Variants in AGXT observed in about 807,000 individuals in gnomAD.
The protein encoded by AGXT is alanine--glyoxylate aminotransferase.
Under a neutral mutation model 46.9 loss-of-function variants are expected in AGXT, and 41 were observed. The ratio of observed to expected loss-of-function variants is 0.88; its 90% CI spans 0.68 to 1.14. The LOEUF (loss-of-function observed/expected upper bound fraction) is 1.14. Among genes scored for constraint, AGXT ranks in the 50% most tolerant of loss-of-function variants. AGXT has a pLI of 0.00. For synonymous variants in AGXT, 244 were observed against 227.9 expected (o/e 1.07, Z -0.64); for missense variants, 525 against 522.7 (o/e 1.00, Z -0.04).
intron 8 of AGXT, chr2:240,877,163 G>T (rs1208596580): frequency 4.6e-6 from 2 of 438,198 alleles, no homozygotes; most frequent in Non-Finnish European, 9.0e-6. Context: ...GGCCCTGAGA[G>T]GAGAGGGGGC....
chr2:240,870,517 C>T, intron 2 of AGXT, 127 bp from the exon 3 acceptor site: 2 of 1,113,922 alleles, frequency 1.8e-6, no homozygotes, highest in Non-Finnish European at 2.6e-6. Flanking sequence ...TTCAGGCAGG[C>T]AGCCAGGGTG....
chr2:240,871,512 G>A lies in AGXT; in HGVS notation c.524+63G>A, dbSNP rs2058990580. On this transcript the variant is annotated intron_variant, in intron 4 of 10. Transcript: ENST00000307503. Reference sequence around the variant, plus strand: ...TCAGAGCCAGGCTATGGGGAGGGGTGGGCACTGGTCCCTCTGGTCCTTCTG... The same window carrying A: ...TCAGAGCCAGGCTATGGGGAGGGGTAGGCACTGGTCCCTCTGGTCCTTCTG... 4.8e-6 allele frequency: 7 copies of A among 1,449,912 alleles called. No homozygotes were observed. The East Asian group carries it at 1.5e-4, about 31-fold the overall frequency. The allele number at this position is 1,449,912 out of a possible 1,614,324, so 89.8% of individuals were successfully genotyped here.
rs758388293 is a variant in AGXT, at chr2:240,868,965, C to T, written c.100C>T (p.Pro34Ser). 2 of 1,596,734 alleles carry T rather than the reference C, an allele frequency of 1.3e-6. No homozygotes were observed. The highest frequency in any genetic ancestry group is 2.8e-5 in the African/African-American group (2 of 72,544). Residue 34 changes from proline to serine, a missense_variant, in exon 1 of 11, where the codon CCT (proline) becomes TCT (serine). Physicochemically the swap from Pro to Ser is moderately conservative, Grantham distance 74. Coordinates refer to ENST00000307503, the MANE Select transcript of AGXT (RefSeq NM_000030.3). ...GCTGGGGCCTGGTCCTTCCAACCTG[C>T]CTCCTCGCATCATGGCAGCCGGGGG... is the stretch of plus-strand genomic sequence containing the variant. ...LLLGPGPSNL[P>S]PRIMAAGGLQ...
chr2:240,879,261 C>A lies in AGXT; in HGVS notation c.*440C>A, dbSNP rs569235099. The stretch of plus-strand genomic sequence containing the variant: ...CTGGAGGAGGTGCTGTCACCACACT[C>A]TAGCCCCAGATGTCACACCCCCAAA... On this transcript the variant is annotated 3_prime_UTR_variant, in exon 11 of 11. Transcript: ENST00000307503. The A allele has an allele frequency of 3.9e-6, 1 of 255,354 alleles. No homozygotes were observed. The highest frequency in any genetic ancestry group is 7.7e-6 in the Non-Finnish European group (1 of 130,304). 15.8% of individuals were successfully genotyped at this position (255,354 alleles called of 1,614,324 possible).
chr2:240,876,243 C>A (rs555061491), intron 8 of AGXT, among the ~76,000 whole-genome samples: 1 of 152,046 alleles, frequency 6.6e-6, no homozygotes, highest in Non-Finnish European at 1.5e-5. Context: ...TGCTCCCAAC[C>A]CTTCCATTGC....
At position 240,870,709 on chromosome 2, in the gene AGXT, G is replaced by A. The variant is rs1553648493; in HGVS notation, c.423+1G>A. 1 of 1,554,978 alleles carries A rather than the reference G, an allele frequency of 6.4e-7. No individual in the cohort carries two copies. On this transcript the variant is annotated splice_donor_variant, in intron 3 of 10. Transcript: ENST00000307503. LOFTEE classifies it high-confidence loss of function. Reference sequence around the variant, plus strand: ...CTACACACTGCAGGAGGTGGAGGAGGTAGGGGACCCGGGGTGGGGGTCAGG... The same window carrying A: ...CTACACACTGCAGGAGGTGGAGGAGATAGGGGACCCGGGGTGGGGGTCAGG...
At chr2:240,871,076 TG>T in intron 3 of AGXT, 1 of 587,910 alleles carries the variant, frequency 1.7e-6, no homozygotes, top group Non-Finnish European at 3.0e-6. Context: ...ACCCGGAGTG[TG>T]GGGACTCAGT....
At chr2:240,870,537 G>C in intron 2 of AGXT, 107 bp from the exon 3 acceptor site, 1 of 1,343,412 alleles carries the variant, frequency 7.4e-7, no homozygotes, top group Non-Finnish European at 1.0e-6. Flanking sequence ...GCCACGGTGG[G>C]TGGGGTCCAG....
intron 4 of AGXT, among the ~76,000 whole-genome samples, chr2:240,872,329 G>A (rs1374335492): frequency 7.0e-6 from 1 of 142,266 alleles, no homozygotes; most frequent in East Asian, 2.0e-4. Flanking sequence ...ACATGGAGGA[G>A]GAGGAGGGTG....
In AGXT at chr2:240,871,125, TG is replaced by T. The variant is rs1425123186; in HGVS notation, c.424-219del. 4.9e-6 allele frequency: 3 copies of T among 611,864 alleles called. No homozygotes were observed. In the South Asian group the frequency reaches 5.7e-5, roughly 12 times the overall value. The allele number at this position is 611,864 out of a possible 1,614,324, so 37.9% of individuals were successfully genotyped here. On this transcript the variant is annotated intron_variant, in intron 3 of 10. Coordinates refer to ENST00000307503, the MANE Select transcript of AGXT (RefSeq NM_000030.3). ...AGCCCTCACAGGCCAGGCAACAGGC[TG>T]GGGGCACCCTCCTCCATCTCTGCAC...
chr2:240,870,601 A>G (rs2106428236), intron 2 of AGXT, 43 bp from the exon 3 acceptor site: 1 of 1,548,026 alleles, frequency 6.5e-7, no homozygotes, highest in Admixed American at 2.0e-5. Flanking sequence ...TGGCTTCTAC[A>G]GTGTGTGCGG....
rs917296853 is a variant in AGXT, at chr2:240,869,277, C to T, written c.273C>T (p.Val91=). 11 of 1,613,664 alleles carry T rather than the reference C, an allele frequency of 6.8e-6. No homozygotes were observed. The highest frequency in any genetic ancestry group is 9.3e-6 in the Non-Finnish European group (11 of 1,179,956). The change falls in exon 2 of 11, where the codon GTC becomes GTT. Residue 91 remains valine, a synonymous_variant. Transcript: ENST00000307503. The stretch of plus-strand genomic sequence containing the variant: ...ACTGTGCCCTGGAGGCCGCCCTGGT[C>T]AATGTGCTGGAGCCTGGGGACTCCT... The part of the protein sequence containing the change: ...SGHCALEAAL[V]NVLEPGDSFL...
chr2:240,871,278 TG>T, intron 3 of AGXT, 70 bp from the exon 4 acceptor site: 15 of 1,334,530 alleles, frequency 1.1e-5, no homozygotes, highest in East Asian at 2.5e-5. Context: ...GTGCCACCCA[TG>T]GGGGGTTTGT....
chr2:240,869,312 G>C lies in AGXT; in HGVS notation c.308G>C (p.Gly103Ala). 1 of 1,611,696 alleles carries C rather than the reference G, an allele frequency of 6.2e-7. No homozygotes were observed. Among genetic ancestry groups the C allele is most frequent in the Non-Finnish European group, 8.5e-7 (1 of 1,178,538 alleles). The change falls in exon 2 of 11, where the codon GGG becomes GCG. Residue 103 changes from glycine (G) to alanine (A), a missense_variant. Coordinates refer to ENST00000307503, the MANE Select transcript of AGXT (RefSeq NM_000030.3). ...GAGCCTGGGGACTCCTTCCTGGTTG[G>C]GGCCAATGGCATTTGGGGGCAGCGA... ...VLEPGDSFLV[G>A]ANGIWGQRAV...
intron 10 of AGXT, among the ~76,000 whole-genome samples, chr2:240,878,467 G>C (rs980893533): frequency 2.0e-5 from 3 of 152,216 alleles, no homozygotes; most frequent in Non-Finnish European, 4.4e-5. Context: ...AGTGGCAGTG[G>C]GGAGGGACCT....
At chr2:240,871,568 T>A (rs1422902915) in intron 4 of AGXT, 119 bp downstream of exon 4, 4 of 935,968 alleles carry the variant, frequency 4.3e-6, no homozygotes, top group Admixed American at 2.0e-5. Context: ...CTCTGTCACA[T>A]GGTATGGGGT....
chr2:240,873,674 A>G (rs1047207736), intron 5 of AGXT, among the ~76,000 whole-genome samples: 1 of 151,892 alleles, frequency 6.6e-6, no homozygotes. Flanking sequence ...TCCTCAAACT[A>G]CTACTGAAAG....
intron 10 of AGXT, among the ~76,000 whole-genome samples, 182 bp from the exon 11 acceptor site, chr2:240,878,532 T>C (rs1312246225): frequency 6.6e-6 from 1 of 152,170 alleles, no homozygotes; most frequent in Non-Finnish European, 1.5e-5. Context: ...GAGGAGAGCC[T>C]GCCCTGGCCT....
intron 7 of AGXT, 137 bp from the exon 8 acceptor site, chr2:240,875,798 G>T (rs1183145681): frequency 3.1e-6 from 3 of 967,538 alleles, no homozygotes; most frequent in African/African-American, 1.6e-5. Context: ...TCTGAACCCG[G>T]ACAGGACTCC....
Sources: allele counts gnomAD v4.1 joint callset (sites outside exome capture counted in the v4.1 genomes callset), GRCh38; gene constraint gnomAD v4.1.1; transcripts MANE v1.5; gene names NCBI Gene and HGNC (gene_info 2026-07-23, HGNC 2026-07-21).